Variants in CD1C observed in about 807,000 individuals in gnomAD.
CD1C encodes the protein CD1c molecule, also known as T-cell surface glycoprotein CD1c.
A neutral mutation model predicts 39.4 loss-of-function variants in CD1C; 47 were observed. The observed-to-expected ratio is 1.19, with a 90% CI of 0.94 to 1.52. The LOEUF (loss-of-function observed/expected upper bound fraction) is 1.52. CD1C is among the 40% of genes most tolerant of loss of function. CD1C has a pLI of 0.00. For synonymous variants in CD1C, 165 were observed against 150.8 expected, an observed-to-expected ratio of 1.09 and a Z score of -0.69; for missense variants, 417 against 395.2, an observed-to-expected ratio of 1.06 and a Z score of -0.47.
rs1330411422 is a variant in CD1C at position 158,292,231 on chromosome 1, C to G, written c.476C>G (p.Ala159Gly). 6.2e-7 allele frequency: 1 copy of G among 1,613,976 alleles called. No individual in the cohort carries two copies. The highest frequency in any genetic ancestry group is 1.3e-5 in the African/African-American group (1 of 74,874). Residue 159 changes from alanine (A) to glycine (G), a missense_variant, in exon 3 of 6, where the codon GCC becomes GGC. By Grantham distance (60) the Ala-to-Gly change is moderately conservative. Coordinates refer to ENST00000368170, the MANE Select transcript of CD1C (RefSeq NM_001765.3). ...CCATCTCCAGGCTGTGGAAGTTTGG[C>G]CCAAAGTGTCTGTCATCTACTCAAT... ...WVPSPGCGSL[A>G]QSVCHLLNHQ...
chr1:158,291,245 G>A lies in CD1C; in HGVS notation c.173G>A (p.Trp58Ter). The A allele has an allele frequency of 6.2e-7, 1 of 1,614,100 alleles. No homozygotes were observed. Among genetic ancestry groups the A allele is most frequent in the Non-Finnish European group, 8.5e-7 (1 of 1,180,016 alleles). ...GWLDELQTHG[W>*]DSESGTIIFL... ...CTGGACGAGTTGCAGACTCATGGCT[G>A]GGACAGTGAATCAGGCACAATAATT... is the stretch of plus-strand genomic sequence containing the variant. The change falls in exon 2 of 6, where the codon TGG becomes TAG. Residue 58 changes from tryptophan (W) to a stop codon, truncating the protein, a stop_gained. Coordinates refer to ENST00000368170, the MANE Select transcript of CD1C (RefSeq NM_001765.3). LOFTEE classifies it high-confidence loss of function.
In CD1C at chr1:158,293,676, A is replaced by T. The variant is rs1293794999; in HGVS notation, c.*200A>T. 4 of 1,277,684 alleles carry T rather than the reference A, an allele frequency of 3.1e-6. No homozygotes were observed. The highest frequency in any genetic ancestry group is 4.4e-6 in the Non-Finnish European group (4 of 908,446). The allele number at this position is 1,277,684 out of a possible 1,614,324, so 79.1% of individuals were successfully genotyped here. ...CTTTTTATATAGCACTCAACCTTCA[A>T]AGCCCATTTCTGATGTCATTTCCTC... On this transcript the variant is annotated 3_prime_UTR_variant, in exon 6 of 6. Coordinates refer to ENST00000368170, the MANE Select transcript of CD1C (RefSeq NM_001765.3).
chr1:158,293,441 C>G lies in CD1C; in HGVS notation c.981-14C>G. The G allele has an allele frequency of 1.9e-6, 3 of 1,613,850 alleles. No homozygotes were observed. The highest frequency in any genetic ancestry group is 2.5e-6 in the Non-Finnish European group (3 of 1,179,920). ...AACTTATTCAGGGTTTCTCCCATTC[C>G]TGTTCCTTCACAGCTCATATCAGGA... On this transcript the variant is annotated splice_polypyrimidine_tract_variant and intron_variant, in intron 5 of 5. Coordinates refer to ENST00000368170, the MANE Select transcript of CD1C (RefSeq NM_001765.3).
At chr1:158,293,364 C>A in intron 5 of CD1C, 62 bp downstream of exon 5, 2 of 1,593,230 alleles carry the variant, frequency 1.3e-6, no homozygotes, top group Non-Finnish European at 1.7e-6. Flanking sequence ...ATTTTTCACT[C>A]TCTTAGCTTT....
intron 3 of CD1C, 110 bp downstream of exon 3, chr1:158,292,475 C>T (rs1651079558): frequency 2.0e-6 from 3 of 1,486,068 alleles, no homozygotes; most frequent in African/African-American, 1.4e-5. Context: ...AGGGGGGTTG[C>T]TGGGTAATAG....
Position 158,292,622 on chromosome 1 carries a change from C to T in CD1C, c.637C>T (p.Arg213Cys), listed in dbSNP as rs1298911107. The change falls in exon 4 of 6, where the codon CGC becomes TGC. Residue 213 changes from arginine to cysteine, a missense_variant. By Grantham distance (180) the Arg-to-Cys change is radical (BLOSUM62 -3). Coordinates refer to ENST00000368170, the MANE Select transcript of CD1C (RefSeq NM_001765.3). ...QVRPEAWLSS[R>C]PSLGSGQLLL... ...GAGGCCAGAAGCCTGGCTGTCCAGT[C>T]GCCCCAGCCTTGGGTCTGGCCAGCT... is the stretch of plus-strand genomic sequence containing the variant. The T allele has an allele frequency of 1.4e-5, 22 of 1,612,762 alleles. No homozygotes were observed. The highest frequency in any genetic ancestry group is 6.6e-5 in the South Asian group (6 of 91,002).
At position 158,293,662 on chromosome 1, in the gene CD1C, G is replaced by C. The variant is rs1224279621; in HGVS notation, c.*186G>C. On this transcript the variant is annotated 3_prime_UTR_variant, in exon 6 of 6. Transcript: ENST00000368170. ...TCTTGGAATCTCCACTTTTTATATA[G>C]CACTCAACCTTCAAAGCCCATTTCT... The C allele has an allele frequency of 5.0e-6, 7 of 1,392,106 alleles. No individual in the cohort carries two copies. In the Admixed American group the frequency reaches 8.0e-5, roughly 16 times the overall value. 86.2% of individuals were successfully genotyped at this position (1,392,106 alleles called of 1,614,324 possible).
chr1:158,293,199 C>T lies in CD1C; in HGVS notation c.890-13C>T. 1 of 1,597,534 alleles carries T rather than the reference C, an allele frequency of 6.3e-7. No individual in the cohort carries two copies. Among genetic ancestry groups the T allele is most frequent in the East Asian group, 2.2e-5 (1 of 44,810 alleles). ...TTTAAAATGGCATCCATGTATCTTT[C>T]CAATATGTGCAGGACACCACTTTTC... On this transcript the variant is annotated splice_polypyrimidine_tract_variant and intron_variant, in intron 4 of 5. Coordinates refer to ENST00000368170, the MANE Select transcript of CD1C (RefSeq NM_001765.3).
At position 158,293,502 on chromosome 1, in the gene CD1C, G is replaced by A. The variant is rs780053064; in HGVS notation, c.*26G>A. ...GACTCTTCCCCCTGACTCCCCCATT[G>A]TGTTAAGAACCCAGCAACCCAGGAG... On this transcript the variant is annotated 3_prime_UTR_variant, in exon 6 of 6. Coordinates refer to ENST00000368170, the MANE Select transcript of CD1C (RefSeq NM_001765.3). 4.3e-6 allele frequency: 7 copies of A among 1,614,020 alleles called. No homozygotes were observed. Among genetic ancestry groups the A allele is most frequent in the South Asian group, 1.1e-5 (1 of 91,074 alleles).
Position 158,292,751 on chromosome 1 carries a change from C to A in CD1C, c.766C>A (p.Pro256Thr), listed in dbSNP as rs758902960. ...GGGCACTAAACATGGTGATATTCTT[C>A]CTAATGCTGATGGGACATGGTATCT... ...QLGTKHGDIL[P>T]NADGTWYLQV... The change falls in exon 4 of 6, where the codon CCT becomes ACT. Residue 256 changes from proline to threonine, a missense_variant. Coordinates refer to ENST00000368170, the MANE Select transcript of CD1C (RefSeq NM_001765.3). The A allele has an allele frequency of 1.2e-6, 2 of 1,614,168 alleles. No individual in the cohort carries two copies. The highest frequency in any genetic ancestry group is 1.7e-6 in the Non-Finnish European group (2 of 1,180,030).
rs1016929225 is a variant in CD1C at position 158,294,047 on chromosome 1, C to T, written c.*571C>T. ...CACTCTCCTTTAGCTCCCTCATTTTCTCCTTAAACATTTAAGGAAAAGTGC... is the reference window on the plus strand; with the variant it reads ...CACTCTCCTTTAGCTCCCTCATTTTTTCCTTAAACATTTAAGGAAAAGTGC... On this transcript the variant is annotated 3_prime_UTR_variant, in exon 6 of 6. Coordinates refer to ENST00000368170, the MANE Select transcript of CD1C (RefSeq NM_001765.3). Among the ~76,000 whole-genome samples, 1 of 152,190 alleles carries T rather than the reference C, an allele frequency of 6.6e-6. No homozygotes were observed. The highest frequency in any genetic ancestry group is 1.5e-5 in the Non-Finnish European group (1 of 68,028).
At chr1:158,292,502 A>G (rs1331399645) in intron 3 of CD1C, 94 bp from the exon 4 acceptor site, 8 of 1,499,998 alleles carry the variant, frequency 5.3e-6, no homozygotes, top group East Asian at 4.5e-5. Context: ...AGAGGCAGGA[A>G]AAAGATAACT....
chr1:158,292,346 G>T lies in CD1C; in HGVS notation c.591G>T (p.Lys197Asn), dbSNP rs1374022763. Residue 197 changes from lysine (K) to asparagine (N), a missense_variant, in exon 3 of 6, where the codon AAG becomes AAT. Lys to Asn is a moderately conservative substitution (Grantham distance 94, BLOSUM62 0). Transcript: ENST00000368170. ...RFLLGLLDAGKMYVHRQVRPE... is the reference protein window; with the variant it reads ...RFLLGLLDAGNMYVHRQVRPE... ...TCTTGGGTCTCCTGGATGCAGGGAA[G>T]ATGTATGTACACAGGCAAGGTCAGT... 6.8e-6 allele frequency: 11 copies of T among 1,613,862 alleles called. No individual in the cohort carries two copies. Among genetic ancestry groups the T allele is most frequent in the African/African-American group, 1.3e-5 (1 of 74,932 alleles).
intron 4 of CD1C, 58 bp downstream of exon 4, chr1:158,292,932 G>C: frequency 6.4e-7 from 1 of 1,561,654 alleles, no homozygotes; most frequent in Non-Finnish European, 8.7e-7. Context: ...GGTTAGGGGA[G>C]AGGAAATTTT....
chr1:158,292,665 C>T lies in CD1C; in HGVS notation c.680C>T (p.Ala227Val), dbSNP rs1450918209. 6.2e-7 allele frequency: 1 copy of T among 1,613,728 alleles called. No homozygotes were observed. The highest frequency in any genetic ancestry group is 1.7e-5 in the Admixed American group (1 of 60,018). ...GSGQLLLVCH[A>V]SGFYPKPVWV... The stretch of plus-strand genomic sequence containing the variant: ...GGCCAGCTGTTGCTGGTTTGTCATG[C>T]CTCCGGCTTCTACCCAAAGCCTGTT... The change falls in exon 4 of 6, where the codon GCC becomes GTC. Residue 227 changes from alanine to valine, a missense_variant. By Grantham distance (64) the Ala-to-Val change is moderately conservative. Transcript: ENST00000368170.
In CD1C at chr1:158,291,202, G is replaced by C; in HGVS notation, c.130G>C (p.Gly44Arg). ...ATTTGTCAACCAATCCTGGGCACGAGGTCAGGGCTCAGGATGGCTGGACGA... is the reference window on the plus strand; with the variant it reads ...ATTTGTCAACCAATCCTGGGCACGACGTCAGGGCTCAGGATGGCTGGACGA... ...FSFVNQSWAR[G>R]QGSGWLDELQ... The change falls in exon 2 of 6, where the codon GGT (glycine) becomes CGT (arginine). Residue 44 changes from glycine to arginine, a missense_variant. By Grantham distance (125) the Gly-to-Arg change is moderately radical. Transcript: ENST00000368170. 6.2e-7 allele frequency: 1 copy of C among 1,613,842 alleles called. No homozygotes were observed. The highest frequency in any genetic ancestry group is 8.5e-7 in the Non-Finnish European group (1 of 1,179,944).
chr1:158,291,947 G>T, intron 2 of CD1C, 137 bp from the exon 3 acceptor site: 1 of 822,108 alleles, frequency 1.2e-6, no homozygotes, highest in East Asian at 2.6e-5. Context: ...TCTTGTTTCT[G>T]ATCAAATATG....
chr1:158,290,057 C>A lies in CD1C; in HGVS notation c.-8C>A, dbSNP rs758270369. 4 of 1,613,338 alleles carry A rather than the reference C, an allele frequency of 2.5e-6. No homozygotes were observed. The highest frequency in any genetic ancestry group is 1.3e-5 in the African/African-American group (1 of 74,998). On this transcript the variant is annotated 5_prime_UTR_variant, in exon 1 of 6. Transcript: ENST00000368170. Reference sequence around the variant, plus strand: ...CTTTTCTGAGAGAAAGAAACATCTGCAAATGACATGCTGTTTCTGCAGTTT... The same window carrying A: ...CTTTTCTGAGAGAAAGAAACATCTGAAAATGACATGCTGTTTCTGCAGTTT...
In CD1C at chr1:158,291,198, A is replaced by T; in HGVS notation, c.126A>T (p.Ala42=). The change falls in exon 2 of 6, where the codon GCA becomes GCT. Residue 42 remains alanine, a synonymous_variant. Coordinates refer to ENST00000368170, the MANE Select transcript of CD1C (RefSeq NM_001765.3). ...QIFSFVNQSW[A]RGQGSGWLDE... is the part of the protein sequence containing the mutation. ...TCTCATTTGTCAACCAATCCTGGGC[A>T]CGAGGTCAGGGCTCAGGATGGCTGG... The T allele has an allele frequency of 6.2e-7, 1 of 1,613,462 alleles. No homozygotes were observed. Among genetic ancestry groups the T allele is most frequent in the South Asian group, 1.1e-5 (1 of 91,052 alleles).
Sources: allele counts gnomAD v4.1 joint callset (sites outside exome capture counted in the v4.1 genomes callset), GRCh38; gene constraint gnomAD v4.1.1; transcripts MANE v1.5; gene names NCBI Gene and HGNC (gene_info 2026-07-23, HGNC 2026-07-21).